The following ATP8B4 variants were observed in gnomAD, a reference collection of about 807,000 sequenced individuals.
ATP8B4 encodes the protein probable phospholipid-transporting ATPase IM.
ATP8B4 carries 133 observed loss-of-function variants against 145.6 expected under a neutral mutation model. That is an observed-to-expected ratio of 0.91 (90% confidence interval 0.79 to 1.05). The LOEUF is 1.05. Ranked by LOEUF, ATP8B4 falls within the 50% of genes least tolerant of loss-of-function variation. ATP8B4 has a pLI of 0.00. For missense variants in ATP8B4, 1,458 were observed against 1,425.2 expected (o/e 1.02, Z -0.37); for synonymous variants, 507 against 492.9 (o/e 1.03, Z -0.38).
intron 16 of ATP8B4, among the ~76,000 whole-genome samples, chr15:49,925,000 C>T (rs1292247888): frequency 6.6e-6 from 1 of 152,084 alleles, no homozygotes; most frequent in African/African-American, 2.4e-5. Flanking sequence ...CTACATTTGC[C>T]TGTATTTTGT....
chr15:49,917,190 G>A (rs2039827697), intron 19 of ATP8B4, 151 bp from the exon 20 acceptor site: 7 of 622,212 alleles, frequency 1.1e-5, no homozygotes, highest in South Asian at 2.5e-5. Context: ...AATACAAGCA[G>A]TGCAGAGGGA....
intron 2 of ATP8B4, among the ~76,000 whole-genome samples, chr15:50,089,827 A>C (rs2055481600): frequency 6.6e-6 from 1 of 152,158 alleles, no homozygotes; most frequent in African/African-American, 2.4e-5. Context: ...ACCTACGGGC[A>C]GAAATACCAT....
At chr15:49,905,184 G>GC (rs1418669785) in intron 20 of ATP8B4, among the ~76,000 whole-genome samples, 1 of 152,150 alleles carries the variant, frequency 6.6e-6, no homozygotes, top group African/African-American at 2.4e-5. Flanking sequence ...TTTGAAACAA[G>GC]CCGTATGTAT....
intron 20 of ATP8B4, among the ~76,000 whole-genome samples, chr15:49,911,256 C>T (rs996342652): frequency 2.0e-5 from 3 of 151,952 alleles, no homozygotes; most frequent in Non-Finnish European, 4.4e-5. Context: ...AAAATGTGAT[C>T]TATATGCTGC....
At chr15:50,047,605 C>T (rs1471658818) in intron 3 of ATP8B4, 141 bp from the exon 4 acceptor site, 6 of 631,768 alleles carry the variant, frequency 9.5e-6, no homozygotes, top group Non-Finnish European at 1.7e-5. Context: ...TGGCTCAAGG[C>T]CTTCATTTTT....
chr15:50,061,005 G>C (rs1044469157), intron 3 of ATP8B4, among the ~76,000 whole-genome samples: 2 of 152,156 alleles, frequency 1.3e-5, no homozygotes, highest in African/African-American at 4.8e-5. Context: ...TTGTGCACTA[G>C]AGACTATGAA....
chr15:50,027,881 A>G (rs2050133073), intron 6 of ATP8B4, among the ~76,000 whole-genome samples: 1 of 152,196 alleles, frequency 6.6e-6, no homozygotes. Flanking sequence ...GAACTCAACA[A>G]CGTTATTTGA....
intron 4 of ATP8B4, among the ~76,000 whole-genome samples, chr15:50,046,269 TTCTC>T (rs1347377770): frequency 1.7e-4 from 26 of 151,930 alleles, no homozygotes; most frequent in Non-Finnish European, 1.5e-5. Context: ...CTCTCTCTCT[TTCTC>T]TCTTTCTCTC....
intron 14 of ATP8B4, among the ~76,000 whole-genome samples, chr15:49,935,111 A>G (rs1417284410): frequency 1.3e-5 from 2 of 152,140 alleles, no homozygotes; most frequent in African/African-American, 4.8e-5. Context: ...AAAGCTTGTT[A>G]ATACCTACAG....
intron 7 of ATP8B4, among the ~76,000 whole-genome samples, chr15:50,008,013 G>T (rs2153567728): frequency 6.6e-6 from 1 of 152,020 alleles, no homozygotes; most frequent in East Asian, 1.9e-4. Context: ...ATCTTTTTTT[G>T]ATAAAGCTGT....
At chr15:50,079,779 G>A (rs935382717) in intron 2 of ATP8B4, among the ~76,000 whole-genome samples, 12 of 152,274 alleles carry the variant, frequency 7.9e-5, no homozygotes, top group East Asian at 3.9e-4. Flanking sequence ...CTATGTGTTC[G>A]TTGACTAATC....
intron 16 of ATP8B4, among the ~76,000 whole-genome samples, chr15:49,929,847 A>G (rs542685702): frequency 3.4e-4 from 51 of 152,208 alleles, no homozygotes; most frequent in South Asian, 1.7e-3. Flanking sequence ...AGGAAAAGCC[A>G]TTGGACTGGG....
intron 2 of ATP8B4, among the ~76,000 whole-genome samples, chr15:50,095,279 AAGAGAG>A (rs751512514): frequency 6.6e-6 from 1 of 152,142 alleles, no homozygotes; most frequent in East Asian, 1.9e-4. Context: ...CAGAGACTGA[AAGAGAG>A]AGAGAATATT....
chr15:50,169,796 G>C (rs1254798756), intron 1 of ATP8B4, among the ~76,000 whole-genome samples: 1 of 151,982 alleles, frequency 6.6e-6, no homozygotes, highest in Non-Finnish European at 1.5e-5. Context: ...AAGAAGTGAA[G>C]GGAGAATTAT....
intron 1 of ATP8B4, among the ~76,000 whole-genome samples, chr15:50,166,609 A>G (rs1567415601): frequency 6.6e-6 from 1 of 152,194 alleles, no homozygotes; most frequent in South Asian, 2.1e-4. Flanking sequence ...GACCAGGACC[A>G]TGCATCTTAC....
chr15:50,151,644 T>C (rs1308427958), intron 1 of ATP8B4, among the ~76,000 whole-genome samples: 1 of 151,314 alleles, frequency 6.6e-6, no homozygotes, highest in Admixed American at 6.6e-5. Context: ...CCAGCTTCTC[T>C]AGGGCTGAGG....
At chr15:50,129,151 G>C (rs2057327541) in intron 1 of ATP8B4, among the ~76,000 whole-genome samples, 1 of 152,186 alleles carries the variant, frequency 6.6e-6, no homozygotes, top group Non-Finnish European at 1.5e-5. Context: ...TGTGACCCCA[G>C]CTACCTCATG....
intron 1 of ATP8B4, among the ~76,000 whole-genome samples, chr15:50,165,334 T>G (rs1177553668): frequency 6.6e-6 from 1 of 152,210 alleles, no homozygotes; most frequent in Non-Finnish European, 1.5e-5. Context: ...ATTATAGGCA[T>G]GAGCCACCAC....
chr15:49,901,423 C>T (rs1257027454), intron 20 of ATP8B4, among the ~76,000 whole-genome samples, 184 bp from the exon 21 acceptor site: 1 of 152,142 alleles, frequency 6.6e-6, no homozygotes, highest in Non-Finnish European at 1.5e-5. Flanking sequence ...AGCAAATTTC[C>T]AAATTCCAGG....
Sources: allele counts gnomAD v4.1 joint callset (sites outside exome capture counted in the v4.1 genomes callset), GRCh38; gene constraint gnomAD v4.1.1; transcripts MANE v1.5; gene names NCBI Gene and HGNC (gene_info 2026-07-23, HGNC 2026-07-21).